The following COL25A1 variants were observed in gnomAD, a reference collection of about 807,000 sequenced individuals.
COL25A1 encodes collagen type XXV alpha 1 chain.
COL25A1 carries 103 observed loss-of-function variants against 128.4 expected under a neutral mutation model. That is an observed-to-expected ratio of 0.80 (90% CI 0.68 to 0.94). The LOEUF (loss-of-function observed/expected upper bound fraction) is 0.94. Among genes scored for constraint, COL25A1 ranks in the 40% least tolerant of loss-of-function variants. The pLI is 0.00. For synonymous variants in COL25A1, 279 were observed against 277.2 expected (o/e 1.01, Z -0.06); for missense variants, 745 against 840.0 (o/e 0.89, Z 1.40).
intron 3 of COL25A1, among the ~76,000 whole-genome samples, chr4:109,153,603 A>G (rs1413100740): frequency 6.6e-6 from 1 of 152,144 alleles, no homozygotes; most frequent in Non-Finnish European, 1.5e-5. Context: ...CAACAACAAC[A>G]AACGCCTTGA....
chr4:109,289,004 CATAT>C (rs199651407), intron 3 of COL25A1, among the ~76,000 whole-genome samples: 2 of 106,938 alleles, frequency 1.9e-5, no homozygotes, highest in African/African-American at 7.1e-5. Flanking sequence ...CACACACACA[CATAT>C]ATATACAAAA....
At chr4:108,873,545 A>G (rs1739036001) in intron 19 of COL25A1, among the ~76,000 whole-genome samples, 1 of 113,912 alleles carries the variant, frequency 8.8e-6, no homozygotes, top group Non-Finnish European at 1.9e-5. Flanking sequence ...TAGTAGTAGT[A>G]GTAGTAGTAG....
intron 3 of COL25A1, among the ~76,000 whole-genome samples, chr4:109,205,666 T>C (rs1177718522): frequency 2.0e-5 from 3 of 152,174 alleles, no homozygotes; most frequent in Non-Finnish European, 2.9e-5. Flanking sequence ...TATAAACTTC[T>C]ATCTTGATTG....
intron 3 of COL25A1, among the ~76,000 whole-genome samples, chr4:109,150,159 T>C (rs1578293894): frequency 6.6e-6 from 1 of 152,122 alleles, no homozygotes; most frequent in Non-Finnish European, 1.5e-5. Flanking sequence ...GTGAACAAAC[T>C]GGTTGCTATT....
intron 3 of COL25A1, among the ~76,000 whole-genome samples, chr4:109,074,095 C>T (rs574142508): frequency 1.3e-5 from 2 of 152,260 alleles, no homozygotes; most frequent in East Asian, 1.9e-4. Context: ...ATTAGATTCT[C>T]GTAAGGAGCA....
At chr4:108,832,260 T>G (rs570391942) in intron 32 of COL25A1, 120 bp downstream of exon 32, 1 of 681,512 alleles carries the variant, frequency 1.5e-6, no homozygotes, top group African/African-American at 1.8e-5. Context: ...TGGTATCTCT[T>G]TTTATTTAAT....
chr4:109,145,801 A>G (rs1350240234), intron 3 of COL25A1, among the ~76,000 whole-genome samples: 2 of 152,184 alleles, frequency 1.3e-5, no homozygotes, highest in African/African-American at 2.4e-5. Context: ...AGATCGCACC[A>G]TTGCACTCTA....
At chr4:109,160,325 T>G (rs1578321482) in intron 3 of COL25A1, among the ~76,000 whole-genome samples, 1 of 152,218 alleles carries the variant, frequency 6.6e-6, no homozygotes, top group East Asian at 1.9e-4. Flanking sequence ...ACATCTCTTT[T>G]GTTCATTTTT....
intron 3 of COL25A1, among the ~76,000 whole-genome samples, chr4:109,079,068 G>C (rs958705247): frequency 6.6e-6 from 1 of 152,228 alleles, no homozygotes; most frequent in African/African-American, 2.4e-5. Context: ...TCTGGAAACA[G>C]ATTGATGATC....
chr4:108,863,466 G>A, intron 20 of COL25A1, 79 bp from the exon 21 acceptor site: 1 of 1,103,986 alleles, frequency 9.1e-7, no homozygotes, highest in Non-Finnish European at 1.3e-6. Context: ...ATGAGTTGAA[G>A]GAAACCAAAG....
At chr4:108,933,989 T>C (rs1747092782) in intron 11 of COL25A1, among the ~76,000 whole-genome samples, 1 of 152,124 alleles carries the variant, frequency 6.6e-6, no homozygotes, top group African/African-American at 2.4e-5. Context: ...ACTGGGTATA[T>C]ACCCAAAGGA....
intron 3 of COL25A1, among the ~76,000 whole-genome samples, chr4:109,163,548 T>A (rs1342208023): frequency 2.0e-5 from 3 of 152,164 alleles, no homozygotes; most frequent in African/African-American, 4.8e-5. Flanking sequence ...GATCAACCAT[T>A]TCCCCCCAGC....
chr4:108,989,551 T>G (rs1204184009), intron 6 of COL25A1, among the ~76,000 whole-genome samples: 5 of 152,224 alleles, frequency 3.3e-5, no homozygotes, highest in Non-Finnish European at 7.3e-5. Flanking sequence ...TTACTAATTT[T>G]GAATTACTAT....
At chr4:109,151,663 C>G (rs1295874368) in intron 3 of COL25A1, among the ~76,000 whole-genome samples, 2 of 152,128 alleles carry the variant, frequency 1.3e-5, no homozygotes, top group East Asian at 1.9e-4. Flanking sequence ...AAATTTCACA[C>G]TGTCGGTACA....
rs528876387 is a variant in COL25A1, at chr4:109,223,293, G to A, written c.367+77290C>T. On this transcript the variant is annotated intron_variant, in intron 3 of 37. Transcript: ENST00000399132. ...AAAATAAACATTACAATTCTAACAC[G>A]TCTATTGTAACCAGGCAGGCCTCAA... is the stretch of plus-strand genomic sequence containing the variant. Among the ~76,000 whole-genome samples, 32 of 152,060 alleles carry A rather than the reference G, an allele frequency of 2.1e-4. No individual in the cohort carries two copies. In the East Asian group the frequency reaches 4.2e-3, roughly 20 times the overall value.
At chr4:109,029,168 A>G (rs1189677931) in intron 5 of COL25A1, among the ~76,000 whole-genome samples, 2 of 152,218 alleles carry the variant, frequency 1.3e-5, no homozygotes, top group Non-Finnish European at 2.9e-5. Flanking sequence ...GCATAATTCT[A>G]TGCTAATGAA....
At chr4:109,250,275 C>T (rs1185909626) in intron 3 of COL25A1, among the ~76,000 whole-genome samples, 1 of 148,388 alleles carries the variant, frequency 6.7e-6, no homozygotes, top group Non-Finnish European at 1.5e-5. Context: ...ATCCAAACAA[C>T]ATAAAGGCTT....
chr4:108,981,275 G>A (rs567027074), intron 6 of COL25A1, among the ~76,000 whole-genome samples: 34 of 152,258 alleles, frequency 2.2e-4, no homozygotes, highest in African/African-American at 7.5e-4. Flanking sequence ...GTGTTCTTTC[G>A]AGTATTTACT....
chr4:108,828,890 G>C (rs1159936418), intron 32 of COL25A1, among the ~76,000 whole-genome samples: 1 of 152,142 alleles, frequency 6.6e-6, no homozygotes, highest in African/African-American at 2.4e-5. Flanking sequence ...CCAGATTCCC[G>C]TGTGAGCAAA....
Sources: gnomAD v4.1 joint callset for allele counts (sites outside exome capture counted in the v4.1 genomes callset) on GRCh38, gnomAD v4.1.1 for gene constraint, MANE v1.5 for transcripts, NCBI Gene and HGNC (gene_info 2026-07-23, HGNC 2026-07-21) for gene names.